Variants in RERE observed in about 807,000 individuals in gnomAD.
RERE encodes arginine-glutamic acid dipeptide repeats protein.
A neutral mutation model predicts 146.1 loss-of-function variants in RERE; 40 were observed. The observed-to-expected ratio is 0.27, with a 90% CI of 0.21 to 0.36. The LOEUF (loss-of-function observed/expected upper bound fraction) is 0.36, where lower values mean the gene tolerates loss of function less well. Among genes scored for constraint, RERE ranks in the 10% least tolerant of loss-of-function variants. The pLI, the probability that RERE is intolerant of heterozygous loss-of-function variation, is 1.00. For missense variants in RERE, 1,933 were observed against 2,138.7 expected, an observed-to-expected ratio of 0.90 and a Z score of 1.90; for synonymous variants, 1,003 against 866.0, an observed-to-expected ratio of 1.16 and a Z score of -2.78.
In RERE at chr1:8,358,880, C is replaced by A. The variant is rs1454846469; in HGVS notation, c.3655G>T (p.Asp1219Tyr). The change falls in exon 20 of 23, where the codon GAC becomes TAC. Residue 1219 changes from aspartate (D) to tyrosine (Y), a missense_variant. Asp to Tyr is a radical substitution (Grantham distance 160). This residue lies in a region of RERE where 1,255 missense variants were observed against 1,153.8 expected (regional missense o/e 1.09). Transcript: ENST00000400908. Reference protein sequence around the residue: ...SSSAHEGRLSDPQLSGPGHMR... With the variant: ...SSSAHEGRLSYPQLSGPGHMR... ...TGGCCAGGACCACTGAGCTGTGGGT[C>A]ACTGAGGCGACCTTCATGCGCTGAG... is the stretch of plus-strand genomic sequence containing the variant. The A allele has an allele frequency of 1.3e-6, 2 of 1,566,290 alleles. No individual in the cohort carries two copies. Among genetic ancestry groups the A allele is most frequent in the Non-Finnish European group, 8.7e-7 (1 of 1,155,130 alleles).
chr1:8,534,765 A>G (rs1233887248), intron 7 of RERE, among the ~76,000 whole-genome samples: 1 of 152,240 alleles, frequency 6.6e-6, no homozygotes, highest in Non-Finnish European at 1.5e-5. Flanking sequence ...TTAAAAAGGG[A>G]AAAAGAGACA....
chr1:8,358,419 G>A lies in RERE; in HGVS notation c.4116C>T (p.Asn1372=). The change falls in exon 20 of 23, where the codon AAC becomes AAT. Residue 1372 remains asparagine (N), a synonymous_variant. Transcript: ENST00000400908. The part of the protein sequence containing the change: ...HPFASFHPGL[N]PLERERLALA... ...GGGCCAGTCTCTCCCTCTCCAAGGG[G>A]TTCAGGCCCGGGTGGAAAGAAGCAA... is the stretch of plus-strand genomic sequence containing the variant. 1 of 1,597,790 alleles carries A rather than the reference G, an allele frequency of 6.3e-7. No homozygotes were observed.
intron 12 of RERE, among the ~76,000 whole-genome samples, chr1:8,414,978 T>C (rs2124462104): frequency 6.6e-6 from 1 of 152,360 alleles, no homozygotes. Context: ...TTTTCCTAAG[T>C]ATTACTCAAG....
chr1:8,408,155 C>A (rs1408405119), intron 12 of RERE, among the ~76,000 whole-genome samples: 5 of 152,002 alleles, frequency 3.3e-5, no homozygotes, highest in Non-Finnish European at 7.4e-5. Context: ...TAGGTTGAAG[C>A]AGCCTGCATA....
chr1:8,676,955 T>C (rs1638852979), intron 1 of RERE, among the ~76,000 whole-genome samples: 1 of 152,148 alleles, frequency 6.6e-6, no homozygotes, highest in African/African-American at 2.4e-5. Flanking sequence ...AATTTCCTCC[T>C]TCAAGAAACC....
rs778509047 is a variant in RERE at position 8,361,827 on chromosome 1, C to A, written c.1952G>T (p.Arg651Leu). Residue 651 changes from arginine (R) to leucine (L), a missense_variant, in exon 17 of 23, where the codon CGG becomes CTG. Transcript: ENST00000400908. ...CTCCGTATCAGAGGCCACCTTCTCC[C>A]GCTGGCGTTTGTTACTCTTAAGAGG... ...SSPLKSNKRQ[R>L]EKVASDTEEA... The A allele has an allele frequency of 6.2e-7, 1 of 1,614,110 alleles. No homozygotes were observed. The highest frequency in any genetic ancestry group is 8.5e-7 in the Non-Finnish European group (1 of 1,179,956).
intron 1 of RERE, chr1:8,750,299 CG>C: frequency 1.8e-6 from 1 of 557,162 alleles, no homozygotes; most frequent in Non-Finnish European, 3.2e-6. Context: ...ATCAAGGTAA[CG>C]GAAGATGAGG....
chr1:8,573,074 C>T (rs912305917), intron 4 of RERE, among the ~76,000 whole-genome samples: 2 of 152,064 alleles, frequency 1.3e-5, no homozygotes, highest in Admixed American at 6.6e-5. Context: ...CTATCCTGAG[C>T]GTGTTCATGA....
intron 12 of RERE, among the ~76,000 whole-genome samples, chr1:8,378,945 G>C (rs79010611): frequency 3.2e-3 from 485 of 152,316 alleles, no homozygotes; most frequent in African/African-American, 0.011. Context: ...CCAAAGGGTA[G>C]AGTAATGTGG....
intron 11 of RERE, among the ~76,000 whole-genome samples, chr1:8,452,680 T>C (rs1419635710): frequency 1.3e-5 from 2 of 152,144 alleles, no homozygotes; most frequent in Non-Finnish European, 2.9e-5. Context: ...GTCTCAAACA[T>C]CCAGCAGAGC....
chr1:8,590,501 G>C (rs942992403), intron 4 of RERE, among the ~76,000 whole-genome samples: 3 of 152,104 alleles, frequency 2.0e-5, no homozygotes, highest in African/African-American at 7.2e-5. Context: ...AAACTGCAGA[G>C]ACTTCAGCTG....
intron 4 of RERE, among the ~76,000 whole-genome samples, chr1:8,583,827 A>C (rs1646396299): frequency 6.6e-6 from 1 of 152,092 alleles, no homozygotes; most frequent in African/African-American, 2.4e-5. Flanking sequence ...GGAGCTCCGT[A>C]AAGTTAAAAA....
intron 1 of RERE, among the ~76,000 whole-genome samples, chr1:8,813,646 G>A (rs956863684): frequency 9.6e-5 from 13 of 135,026 alleles, no homozygotes; most frequent in East Asian, 2.1e-4. Flanking sequence ...ACAGAGTCTC[G>A]CTGTGTCACC....
intron 1 of RERE, among the ~76,000 whole-genome samples, chr1:8,683,084 A>T (rs1639009779): frequency 6.6e-6 from 1 of 151,362 alleles, no homozygotes; most frequent in South Asian, 2.1e-4. Flanking sequence ...CTATTAGTAT[A>T]ATCATCAAGC....
At chr1:8,458,289 T>C (rs1236568182) in intron 11 of RERE, among the ~76,000 whole-genome samples, 2 of 152,126 alleles carry the variant, frequency 1.3e-5, no homozygotes, top group African/African-American at 2.4e-5. Context: ...TGAAAGTGTA[T>C]GCTATCTCCA....
At chr1:8,548,479 CTAAG>C (rs1645894080) in intron 6 of RERE, among the ~76,000 whole-genome samples, 1 of 151,864 alleles carries the variant, frequency 6.6e-6, no homozygotes, top group Non-Finnish European at 1.5e-5. Flanking sequence ...CAGAACTGAC[CTAAG>C]TAAGAGGAAA....
chr1:8,421,407 G>C (rs1643907217), intron 12 of RERE, among the ~76,000 whole-genome samples: 1 of 152,114 alleles, frequency 6.6e-6, no homozygotes, highest in Non-Finnish European at 1.5e-5. Flanking sequence ...GAAATAAGTT[G>C]ATTATATAGA....
At chr1:8,621,963 AACT>A (rs1646921630) in intron 3 of RERE, among the ~76,000 whole-genome samples, 1 of 152,262 alleles carries the variant, frequency 6.6e-6, no homozygotes, top group Non-Finnish European at 1.5e-5. Flanking sequence ...CTTACACAAC[AACT>A]ATGAGGATGT....
At chr1:8,503,050 T>A (rs1257138768) in intron 8 of RERE, among the ~76,000 whole-genome samples, 2 of 144,614 alleles carry the variant, frequency 1.4e-5, no homozygotes, top group Non-Finnish European at 3.0e-5. Context: ...CCCTGCCAAA[T>A]CCCCCTCTGC....
Sources: gnomAD v4.1 joint callset for allele counts (sites outside exome capture counted in the v4.1 genomes callset) on GRCh38, gnomAD v4.1.1 for gene constraint, gnomAD v4.1.1 regional missense constraint, MANE v1.5 for transcripts, NCBI Gene and HGNC (gene_info 2026-07-23, HGNC 2026-07-21) for gene names.